The following NTRK2 variants were observed in gnomAD, a reference collection of about 807,000 sequenced individuals.
The protein encoded by NTRK2 is neurotrophic receptor tyrosine kinase 2, also known as BDNF/NT-3 growth factors receptor.
In NTRK2, 13 loss-of-function variants were observed where a neutral mutation model predicts 94.5. That is an observed-to-expected ratio of 0.14 (90% confidence interval 0.09 to 0.22). The LOEUF (loss-of-function observed/expected upper bound fraction) is 0.22. NTRK2 is among the 10% of genes least tolerant of loss of function. The probability of loss-of-function intolerance (pLI) is 1.00; values close to 1 mark genes in which losing one functional copy is unlikely to be tolerated. For missense variants in NTRK2, 639 were observed against 1,071.2 expected (o/e 0.60, Z 5.63); for synonymous variants, 372 against 407.4 (o/e 0.91, Z 1.05).
intron 12 of NTRK2, among the ~76,000 whole-genome samples, chr9:84,844,586 A>C (rs1022695065): frequency 6.6e-6 from 1 of 151,738 alleles, no homozygotes; most frequent in Non-Finnish European, 1.5e-5. Context: ...CAGTAACTGT[A>C]AGAAGCTATA....
At chr9:84,954,708 C>G (rs1823890419) in intron 16 of NTRK2, among the ~76,000 whole-genome samples, 1 of 152,160 alleles carries the variant, frequency 6.6e-6, no homozygotes, top group South Asian at 2.1e-4. Flanking sequence ...CCATGCCTGG[C>G]CACAGATCAG....
chr9:84,887,776 A>G (rs1261551725), intron 14 of NTRK2, among the ~76,000 whole-genome samples: 4 of 152,196 alleles, frequency 2.6e-5, no homozygotes, highest in Non-Finnish European at 2.9e-5. Context: ...CATAGATTTC[A>G]GCTTTCTGGC....
At chr9:84,834,128 C>T (rs761127675) in intron 12 of NTRK2, among the ~76,000 whole-genome samples, 1 of 152,066 alleles carries the variant, frequency 6.6e-6, no homozygotes, top group Admixed American at 6.5e-5. Context: ...AAAATACAAA[C>T]GGAGAACCTA....
At chr9:84,856,203 T>C (rs1036082601) in intron 12 of NTRK2, among the ~76,000 whole-genome samples, 1 of 152,190 alleles carries the variant, frequency 6.6e-6, no homozygotes, top group African/African-American at 2.4e-5. Context: ...CAAGTGAAAG[T>C]TGGTCAGGAG....
intron 12 of NTRK2, among the ~76,000 whole-genome samples, chr9:84,804,576 C>A (rs552650558): frequency 6.6e-6 from 1 of 152,148 alleles, no homozygotes; most frequent in African/African-American, 2.4e-5. Flanking sequence ...TCATTAACCT[C>A]TTGTTTGGAC....
chr9:84,841,828 T>C (rs1484920507), intron 12 of NTRK2, among the ~76,000 whole-genome samples: 1 of 152,222 alleles, frequency 6.6e-6, no homozygotes, highest in Non-Finnish European at 1.5e-5. Context: ...GTCCATTTCT[T>C]CACTTGTCCT....
intron 14 of NTRK2, among the ~76,000 whole-genome samples, chr9:84,913,977 A>C (rs2077320544): frequency 6.6e-6 from 1 of 151,794 alleles, no homozygotes; most frequent in African/African-American, 2.4e-5. Flanking sequence ...CCATTTCTTT[A>C]GTTTTTCCAG....
At chr9:85,020,580 C>T (rs1403378168) in intron 18 of NTRK2, among the ~76,000 whole-genome samples, 1 of 152,166 alleles carries the variant, frequency 6.6e-6, no homozygotes, top group East Asian at 1.9e-4. Flanking sequence ...GCTGCTATGT[C>T]CTTGCTCCTC....
chr9:84,951,292 G>A, intron 16 of NTRK2, among the ~76,000 whole-genome samples: 1 of 152,270 alleles, frequency 6.6e-6, no homozygotes, highest in African/African-American at 2.4e-5. Flanking sequence ...AATTTTTCTT[G>A]TAAGTGATAG....
intron 14 of NTRK2, among the ~76,000 whole-genome samples, chr9:84,905,177 G>A (rs1214480948): frequency 1.3e-5 from 2 of 152,278 alleles, no homozygotes; most frequent in Non-Finnish European, 2.9e-5. Flanking sequence ...ATGTCCCTCT[G>A]AAGGGGAAGA....
At chr9:84,815,365 C>T (rs2072282856) in intron 12 of NTRK2, 8 of 1,045,768 alleles carry the variant, frequency 7.6e-6, no homozygotes, top group Non-Finnish European at 9.2e-6. Context: ...TTTTTATCAC[C>T]TTTATTGTAA....
At chr9:84,784,234 G>A (rs2067900805) in intron 12 of NTRK2, among the ~76,000 whole-genome samples, 1 of 152,108 alleles carries the variant, frequency 6.6e-6, no homozygotes, top group Non-Finnish European at 1.5e-5. Flanking sequence ...AATAATAATT[G>A]TGCATATTTA....
chr9:85,018,800 T>C (rs949827754), intron 17 of NTRK2, among the ~76,000 whole-genome samples: 3 of 152,098 alleles, frequency 2.0e-5, no homozygotes, highest in African/African-American at 7.2e-5. Context: ...ATAAGAGAAG[T>C]CTCTGTCCAT....
intron 12 of NTRK2, among the ~76,000 whole-genome samples, chr9:84,763,819 T>A (rs112222175): frequency 0.057 from 8,584 of 151,852 alleles, 335 homozygotes; most frequent in Non-Finnish European, 0.082. Flanking sequence ...AATTCAAAGT[T>A]CATGCGTTGC....
intron 14 of NTRK2, among the ~76,000 whole-genome samples, chr9:84,878,066 G>A (rs1305258630): frequency 6.6e-6 from 1 of 152,130 alleles, no homozygotes; most frequent in African/African-American, 2.4e-5. Flanking sequence ...TTTTCTCGAA[G>A]CAACTCCTTC....
intron 16 of NTRK2, among the ~76,000 whole-genome samples, chr9:84,952,144 G>A (rs1485883043): frequency 6.6e-6 from 1 of 152,170 alleles, no homozygotes; most frequent in South Asian, 2.1e-4. Context: ...AACCATCCTT[G>A]CCGTCATTCC....
chr9:84,672,664 G>A (rs764887707), intron 2 of NTRK2, among the ~76,000 whole-genome samples: 1 of 152,032 alleles, frequency 6.6e-6, no homozygotes, highest in South Asian at 2.1e-4. Context: ...AAGAAGATAG[G>A]GCTGATCATT....
chr9:84,677,048 C>G (rs2059104985), intron 2 of NTRK2, among the ~76,000 whole-genome samples: 2 of 152,034 alleles, frequency 1.3e-5, no homozygotes, highest in African/African-American at 4.8e-5. Context: ...CAGAGAAAAG[C>G]CTTCATGAGT....
At chr9:84,711,472 G>A (rs2061414524) in intron 6 of NTRK2, among the ~76,000 whole-genome samples, 1 of 152,204 alleles carries the variant, frequency 6.6e-6, no homozygotes. Context: ...TTCTGCTTAG[G>A]ATTTTACTAG....
Sources: allele counts gnomAD v4.1 joint callset (sites outside exome capture counted in the v4.1 genomes callset), GRCh38; gene constraint gnomAD v4.1.1; transcripts MANE v1.5; gene names NCBI Gene and HGNC (gene_info 2026-07-23, HGNC 2026-07-21).